Variants in RPS6KA2 observed in about 807,000 individuals in gnomAD.
RPS6KA2 encodes ribosomal protein S6 kinase A2, also known as ribosomal protein S6 kinase alpha-2.
Under a neutral mutation model 91.8 loss-of-function variants are expected in RPS6KA2, and 42 were observed. That is an observed-to-expected ratio of 0.46 (90% CI 0.36 to 0.59). The LOEUF (loss-of-function observed/expected upper bound fraction) is 0.59. Ranked by LOEUF, RPS6KA2 falls within the 20% of genes least tolerant of loss-of-function variation. The pLI is 0.00. For missense variants in RPS6KA2, 798 were observed against 978.5 expected (o/e 0.82, Z 2.46); for synonymous variants, 414 against 393.6 (o/e 1.05, Z -0.61).
intron 2 of RPS6KA2, among the ~76,000 whole-genome samples, chr6:166,661,614 A>G (rs577551866): frequency 6.6e-6 from 1 of 152,086 alleles, no homozygotes; most frequent in Non-Finnish European, 1.5e-5. Context: ...TATATAATAA[A>G]TATAAAATCT....
chr6:166,587,722 G>T (rs1266539901), intron 1 of RPS6KA2, among the ~76,000 whole-genome samples: 3 of 151,818 alleles, frequency 2.0e-5, no homozygotes, highest in Non-Finnish European at 4.4e-5. Context: ...TTCAGAAGTA[G>T]AAGATGAAGG....
chr6:166,567,217 T>C lies in RPS6KA2; in HGVS notation c.100-28433A>G, dbSNP rs3799615. Reference sequence around the variant, plus strand: ...GTCACATCCATGGTGGCAAATCGGATGTTCTTTCCTAAGTGGGATTTGAGA... The same window carrying C: ...GTCACATCCATGGTGGCAAATCGGACGTTCTTTCCTAAGTGGGATTTGAGA... On this transcript the variant is annotated intron_variant, in intron 1 of 20. Transcript: ENST00000265678. Among the ~76,000 whole-genome samples the C allele has an allele frequency of 1.1e-4, 16 of 152,246 alleles. No homozygotes were observed. The East Asian group carries it at 3.1e-3, about 29-fold the overall frequency.
chr6:166,699,851 A>C (rs373071765), intron 2 of RPS6KA2, among the ~76,000 whole-genome samples: 2 of 152,354 alleles, frequency 1.3e-5, no homozygotes, highest in Non-Finnish European at 2.9e-5. Flanking sequence ...GGTGGAGTCT[A>C]ATTTTTTGTT....
At chr6:166,432,671 C>T (rs1360182309) in intron 14 of RPS6KA2, among the ~76,000 whole-genome samples, 181 bp from the exon 15 acceptor site, 1 of 152,090 alleles carries the variant, frequency 6.6e-6, no homozygotes, top group Non-Finnish European at 1.5e-5. Context: ...CTTTCTTTGA[C>T]AACTAGTGTA....
intron 2 of RPS6KA2, among the ~76,000 whole-genome samples, chr6:166,774,748 A>T (rs1778568754): frequency 6.6e-6 from 1 of 152,184 alleles, no homozygotes; most frequent in African/African-American, 2.4e-5. Context: ...GCCATCAGTG[A>T]ACATCAGCAT....
rs556093898 is a variant in RPS6KA2, at chr6:166,848,853, G to C, written c.123+9347C>G. Among the ~76,000 whole-genome samples, 141 of 151,928 alleles carry C rather than the reference G, an allele frequency of 9.3e-4. 3 individuals are homozygous for C. In the South Asian group the frequency reaches 0.029, roughly 31 times the overall value. ...CAAAGTCTCAGAAATCACCACTAAA[G>C]AACTTATTCATGCAACCAAATACCA... On this transcript the variant is annotated intron_variant, in intron 2 of 21. Coordinates refer to the RPS6KA2 transcript ENST00000503859.
At chr6:166,804,129 G>A (rs1206847337) in intron 2 of RPS6KA2, among the ~76,000 whole-genome samples, 1 of 151,760 alleles carries the variant, frequency 6.6e-6, no homozygotes, top group Non-Finnish European at 1.5e-5. Context: ...GCAATACAGT[G>A]TGAGATAATA....
intron 2 of RPS6KA2, among the ~76,000 whole-genome samples, chr6:166,826,493 G>A (rs1057083194): frequency 6.6e-6 from 1 of 152,206 alleles, no homozygotes; most frequent in Non-Finnish European, 1.5e-5. Flanking sequence ...TGCAATTCAA[G>A]GGAGAATCTC....
At chr6:166,824,865 CTG>C (rs777240123) in intron 2 of RPS6KA2, among the ~76,000 whole-genome samples, 11 of 151,050 alleles carry the variant, frequency 7.3e-5, no homozygotes, top group African/African-American at 1.9e-4. Flanking sequence ...CTATGTGTGT[CTG>C]TGTGTGTATG....
intron 3 of RPS6KA2, among the ~76,000 whole-genome samples, chr6:166,527,376 G>C (rs977399342): frequency 1.3e-5 from 2 of 152,212 alleles, no homozygotes; most frequent in Admixed American, 6.5e-5. Context: ...ATGGACAGTA[G>C]GACAGTGTGT....
chr6:166,540,369 G>A (rs113835156), intron 1 of RPS6KA2, among the ~76,000 whole-genome samples: 1 of 152,324 alleles, frequency 6.6e-6, no homozygotes, highest in Non-Finnish European at 1.5e-5. Flanking sequence ...AGTTATCCAT[G>A]GCTTTTCCAT....
At chr6:166,759,507 AAGG>A (rs1778110424) in intron 2 of RPS6KA2, among the ~76,000 whole-genome samples, 1 of 152,208 alleles carries the variant, frequency 6.6e-6, no homozygotes, top group Non-Finnish European at 1.5e-5. Flanking sequence ...AATAGAAAAT[AAGG>A]CTCTTTCTAG....
rs1157690572 is a variant in RPS6KA2, at chr6:166,445,858, C to T, written c.1332+2866G>A. Among the ~76,000 whole-genome samples, 1 of 152,182 alleles carries T rather than the reference C, an allele frequency of 6.6e-6. No individual in the cohort carries two copies. Among genetic ancestry groups the T allele is most frequent in the Non-Finnish European group, 1.5e-5 (1 of 68,034 alleles). On this transcript the variant is annotated intron_variant, in intron 14 of 20. Transcript: ENST00000265678. This position sits in a 1 kb window ranked among gnomAD's most constrained non-coding sequence, Gnocchi z 4.5. ...TAAAGCCGGATTCTAGTGACAATCTCGGCTGGACATCTGCTGAGCTGAGAT... is the reference window on the plus strand; with the variant it reads ...TAAAGCCGGATTCTAGTGACAATCTTGGCTGGACATCTGCTGAGCTGAGAT...
intron 1 of RPS6KA2, among the ~76,000 whole-genome samples, chr6:166,600,076 T>C (rs200686638): frequency 8.3e-6 from 1 of 120,020 alleles, no homozygotes; most frequent in African/African-American, 3.0e-5. Flanking sequence ...GGTGCCATCA[T>C]AGCTCACTGC....
At chr6:166,627,680 T>G (rs577130482), upstream of RPS6KA2, 68 of 152,338 alleles carry the variant, frequency 4.5e-4, no homozygotes, top group African/African-American at 1.6e-3. Flanking sequence ...GGGCGAGTTG[T>G]GCAGCTGCTC....
chr6:166,440,246 G>C (rs1369987387), intron 14 of RPS6KA2: 1 of 152,232 alleles, frequency 6.6e-6, no homozygotes, highest in Non-Finnish European at 1.5e-5. Context: ...TGGTGGGTGG[G>C]AGCCTGTGAG....
rs143880554 is a variant in RPS6KA2 at position 166,464,137 on chromosome 6, T to C, written c.973-4586A>G. Among the ~76,000 whole-genome samples, 393 of 152,104 alleles carry C rather than the reference T, an allele frequency of 2.6e-3. 2 individuals are homozygous for C. Among genetic ancestry groups the C allele is most frequent in the African/African-American group, 9.1e-3 (377 of 41,508 alleles). ...TACAGCTCCCACACCCCCAAACCAC[T>C]CTCTGCGCCATACTGCAAATACTCC... On this transcript the variant is annotated intron_variant, in intron 11 of 20. Transcript: ENST00000265678.
chr6:166,841,893 G>A (rs927101885), intron 2 of RPS6KA2, among the ~76,000 whole-genome samples: 22 of 152,102 alleles, frequency 1.4e-4, no homozygotes, highest in Non-Finnish European at 2.1e-4. Flanking sequence ...ATTGGTCCCC[G>A]CTATGACCAG....
intron 2 of RPS6KA2, among the ~76,000 whole-genome samples, chr6:166,776,811 A>G (rs995470913): frequency 6.6e-6 from 1 of 152,110 alleles, no homozygotes; most frequent in African/African-American, 2.4e-5. Flanking sequence ...CCATTCATCC[A>G]TTGATGGACA....
Sources: allele counts gnomAD v4.1 joint callset (sites outside exome capture counted in the v4.1 genomes callset), GRCh38; gene constraint gnomAD v4.1.1; non-coding constraint Gnocchi (gnomAD v3.1); transcripts MANE v1.5; gene names NCBI Gene and HGNC (gene_info 2026-07-23, HGNC 2026-07-21).